The following PAQR5 variants were observed in gnomAD, a reference collection of about 807,000 sequenced individuals.
The protein encoded by PAQR5 is membrane progestin receptor gamma.
PAQR5 carries 20 observed loss-of-function variants against 34.5 expected under a neutral mutation model. The observed-to-expected ratio is 0.58, with a 90% CI of 0.41 to 0.84. The LOEUF is 0.84. PAQR5 is among the 40% of genes least tolerant of loss of function. PAQR5 has a pLI of 0.00. For synonymous variants in PAQR5, 131 were observed against 155.6 expected (o/e 0.84, Z 1.18); for missense variants, 378 against 412.7 (o/e 0.92, Z 0.73).
rs1368140337 is a variant in PAQR5, at chr15:69,341,563, A to G, written c.-116+4062A>G. ...GGCTGAGTAATATCCTGTAGTATAG[A>G]TATACCACATTTTGTTTATCCATTC... On this transcript the variant is annotated intron_variant, in intron 2 of 8. Transcript: ENST00000395407. Among the ~76,000 whole-genome samples the G allele has an allele frequency of 3.3e-5, 5 of 151,994 alleles. No individual in the cohort carries two copies. In the South Asian group the frequency reaches 1.0e-3, roughly 32 times the overall value.
intron 2 of PAQR5, among the ~76,000 whole-genome samples, chr15:69,349,640 A>AT (rs61085048): frequency 0.19 from 27,713 of 147,232 alleles, 5,034 homozygotes; most frequent in African/African-American, 0.47. Context: ...GTTTATTTTT[A>AT]TTTTTTTTTT....
Position 69,300,933 on chromosome 15 carries a change from C to CTTTCCT in PAQR5, c.-277+1878_-277+1879insTTCCTT, listed in dbSNP as rs1183361471. ...CCTTCCTTTCTCTCTCTCTCTCTCT[C>CTTTCCT]TCTCTCTTTCTTTCCTTCTTTCTTT... On this transcript the variant is annotated intron_variant, in intron 1 of 8. Coordinates refer to ENST00000395407, the MANE Select transcript of PAQR5 (RefSeq NM_017705.4). 8.3e-4 allele frequency among the ~76,000 whole-genome samples: 7 copies of CTTTCCT among 8,396 alleles called. 1 individual carries two copies. Among genetic ancestry groups the CTTTCCT allele is most frequent in the Non-Finnish European group, 1.4e-3 (4 of 2,796 alleles). 5.5% of individuals were successfully genotyped at this position (8,396 alleles called of 152,430 possible).
intron 6 of PAQR5, among the ~76,000 whole-genome samples, chr15:69,393,989 T>C (rs2056341408): frequency 6.6e-6 from 1 of 152,198 alleles, no homozygotes; most frequent in African/African-American, 2.4e-5. Context: ...CCTGGCCTGC[T>C]CATGCCTGCA....
chr15:69,391,923 G>A, intron 6 of PAQR5: 2 of 391,262 alleles, frequency 5.1e-6, no homozygotes, highest in South Asian at 1.9e-5. Context: ...TGGGTGTGGT[G>A]GCAGGTACCT....
At chr15:69,362,457 T>G (rs560754859) in intron 3 of PAQR5, among the ~76,000 whole-genome samples, 1 of 152,204 alleles carries the variant, frequency 6.6e-6, no homozygotes, top group African/African-American at 2.4e-5. Flanking sequence ...TTAAAACAGA[T>G]GCACAGGTAT....
intron 8 of PAQR5, among the ~76,000 whole-genome samples, chr15:69,402,258 A>G (rs1388672441): frequency 6.6e-6 from 1 of 151,402 alleles, no homozygotes; most frequent in Non-Finnish European, 1.5e-5. Context: ...GTTCTTTCCA[A>G]CTGTCTTCAC....
In PAQR5 at chr15:69,306,528, C is replaced by T. The variant is rs534800223; in HGVS notation, c.-277+7472C>T. Among the ~76,000 whole-genome samples, 11 of 151,430 alleles carry T rather than the reference C, an allele frequency of 7.3e-5. No individual in the cohort carries two copies. The East Asian group carries it at 2.1e-3, about 29-fold the overall frequency. Reference sequence around the variant, plus strand: ...CTGGGTTCAAGCAATTCTCCTGCCTCAACCTCCCGAGTAGCTGGGATTACA... The same window carrying T: ...CTGGGTTCAAGCAATTCTCCTGCCTTAACCTCCCGAGTAGCTGGGATTACA... On this transcript the variant is annotated intron_variant, in intron 1 of 8. Coordinates refer to ENST00000395407, the MANE Select transcript of PAQR5 (RefSeq NM_017705.4).
intron 1 of PAQR5, among the ~76,000 whole-genome samples, chr15:69,330,531 G>A (rs546182654): frequency 1.3e-5 from 2 of 152,098 alleles, no homozygotes; most frequent in East Asian, 1.9e-4. Context: ...CCCTGCACTC[G>A]GTGGATCAGC....
intron 1 of PAQR5, among the ~76,000 whole-genome samples, chr15:69,320,860 T>C (rs2054078360): frequency 6.6e-6 from 1 of 152,228 alleles, no homozygotes; most frequent in Admixed American, 6.5e-5. Context: ...AAGTATGCTT[T>C]TTTTCCCTGT....
At chr15:69,392,049 A>G (rs1486548938) in intron 6 of PAQR5, 1 of 291,380 alleles carries the variant, frequency 3.4e-6, no homozygotes, top group East Asian at 1.1e-4. Context: ...GGAGCCAAGA[A>G]AAAAAAGAAA....
At chr15:69,395,893 T>C (rs754118402) in intron 6 of PAQR5, among the ~76,000 whole-genome samples, 12 of 151,990 alleles carry the variant, frequency 7.9e-5, no homozygotes, top group Non-Finnish European at 1.3e-4. Context: ...GAAAGTGGGC[T>C]GGAGTGAAGT....
rs187725587 is a variant in PAQR5, at chr15:69,378,409, C to T, written c.52-1474C>T. On this transcript the variant is annotated intron_variant, in intron 3 of 8. Coordinates refer to ENST00000395407, the MANE Select transcript of PAQR5 (RefSeq NM_017705.4). Reference sequence around the variant, plus strand: ...CCATGATTGCACCACTGTACTCCAGCCTGGGCTTCAGATCAAGACCCTGTC... The same window carrying T: ...CCATGATTGCACCACTGTACTCCAGTCTGGGCTTCAGATCAAGACCCTGTC... Among the ~76,000 whole-genome samples, 40 of 140,020 alleles carry T rather than the reference C, an allele frequency of 2.9e-4. No individual in the cohort carries two copies. In the East Asian group the frequency reaches 7.3e-3, roughly 26 times the overall value. The allele number at this position is 140,020 out of a possible 152,430, so 91.9% of individuals were successfully genotyped here. A position where few individuals can be genotyped will look rare whatever the true frequency, so the allele number is the denominator to read the frequency against.
At chr15:69,399,920 G>A (rs2056571042) in intron 7 of PAQR5, 54 bp from the exon 8 acceptor site, 1 of 1,564,198 alleles carries the variant, frequency 6.4e-7, no homozygotes, top group African/African-American at 1.4e-5. Flanking sequence ...GAAGGAAGAG[G>A]GCCTGCCTCA....
At chr15:69,331,252 A>C (rs2054373484) in intron 1 of PAQR5, among the ~76,000 whole-genome samples, 1 of 151,862 alleles carries the variant, frequency 6.6e-6, no homozygotes, top group African/African-American at 2.4e-5. Flanking sequence ...CTGTAACTCC[A>C]CCATGGGGTG....
chr15:69,334,558 T>C (rs1230433954), intron 1 of PAQR5, among the ~76,000 whole-genome samples: 1 of 152,188 alleles, frequency 6.6e-6, no homozygotes, highest in Non-Finnish European at 1.5e-5. Context: ...GAGTCAGACC[T>C]TATCTTCATT....
chr15:69,393,556 T>C (rs1368365854), intron 6 of PAQR5, among the ~76,000 whole-genome samples: 2 of 148,648 alleles, frequency 1.3e-5, no homozygotes, highest in African/African-American at 4.9e-5. Context: ...TGCCTTAGTG[T>C]CTTCTCCAAG....
chr15:69,343,428 T>G (rs1307460749), intron 2 of PAQR5, among the ~76,000 whole-genome samples: 1 of 152,048 alleles, frequency 6.6e-6, no homozygotes, highest in Non-Finnish European at 1.5e-5. Context: ...GGGAAAGAAA[T>G]AGAGGCAAAA....
chr15:69,400,043 A>G lies in PAQR5; in HGVS notation c.679A>G (p.Thr227Ala). Residue 227 changes from threonine to alanine, a missense_variant, in exon 8 of 9, where the codon ACC becomes GCC. By Grantham distance (58) the Thr-to-Ala change is moderately conservative (BLOSUM62 0). Coordinates refer to ENST00000395407, the MANE Select transcript of PAQR5 (RefSeq NM_017705.4). ...GTACCACCAGAAGCACATGATCATG[A>G]CCCTCCTGGCCTCTTTCTTGTACTC... ...TSYHQKHMIM[T>A]LLASFLYSAH... is the part of the protein sequence containing the mutation. 1 of 1,613,960 alleles carries G rather than the reference A, an allele frequency of 6.2e-7. No homozygotes were observed. Among genetic ancestry groups the G allele is most frequent in the Non-Finnish European group, 8.5e-7 (1 of 1,179,918 alleles).
intron 3 of PAQR5, among the ~76,000 whole-genome samples, chr15:69,363,779 C>T (rs1322930251): frequency 6.6e-6 from 1 of 152,048 alleles, no homozygotes; most frequent in Non-Finnish European, 1.5e-5. Flanking sequence ...GTCTCGAACT[C>T]CTGACCTCAA....
Sources: allele counts gnomAD v4.1 joint callset (sites outside exome capture counted in the v4.1 genomes callset), GRCh38; gene constraint gnomAD v4.1.1; transcripts MANE v1.5; gene names NCBI Gene and HGNC (gene_info 2026-07-23, HGNC 2026-07-21).